CLNK: variants seen among roughly 807,000 people sequenced by gnomAD.
The protein encoded by CLNK is cytokine-dependent hematopoietic cell linker.
CLNK carries 74 observed loss-of-function variants against 68.6 expected under a neutral mutation model. The ratio of observed to expected loss-of-function variants is 1.08; its 90% confidence interval spans 0.89 to 1.31. The LOEUF is 1.31. Among genes scored for constraint, CLNK ranks in the 50% most tolerant of loss-of-function variants. CLNK has a pLI of 0.00. For missense variants in CLNK, 553 were observed against 515.3 expected (o/e 1.07, Z -0.71); for synonymous variants, 198 against 172.2 (o/e 1.15, Z -1.17).
chr4:10,613,065 C>G (rs1246385381), intron 2 of CLNK, among the ~76,000 whole-genome samples: 1 of 152,102 alleles, frequency 6.6e-6, no homozygotes, highest in African/African-American at 2.4e-5. Context: ...CAAGATATAT[C>G]AGTGAACAAA....
chr4:10,676,704 TTCTC>T (rs1046868869), intron 1 of CLNK, among the ~76,000 whole-genome samples: 5 of 152,140 alleles, frequency 3.3e-5, no homozygotes, highest in African/African-American at 9.6e-5. Context: ...GTAAGATTCT[TTCTC>T]TCTCCTCTTA....
intron 17 of CLNK, among the ~76,000 whole-genome samples, chr4:10,507,419 G>GT (rs1484984732): frequency 1.3e-5 from 2 of 149,942 alleles, no homozygotes; most frequent in Admixed American, 6.7e-5. Context: ...TCCTCTCCAT[G>GT]TTTTTTTGTT....
At chr4:10,490,910 A>G (rs761581593) in intron 18 of CLNK, among the ~76,000 whole-genome samples, 1 of 146,634 alleles carries the variant, frequency 6.8e-6, no homozygotes, top group African/African-American at 2.5e-5. Context: ...GATTACAAGC[A>G]TGCGCCACCA....
At chr4:10,533,893 T>C (rs1488990791) in intron 11 of CLNK, among the ~76,000 whole-genome samples, 1 of 152,226 alleles carries the variant, frequency 6.6e-6, no homozygotes, top group African/African-American at 2.4e-5. Context: ...ACATTTACTT[T>C]CTTGGATTTA....
chr4:10,668,722 GTC>G (rs1224410439), intron 1 of CLNK, among the ~76,000 whole-genome samples: 1 of 152,190 alleles, frequency 6.6e-6, no homozygotes, highest in African/African-American at 2.4e-5. Context: ...ACAGAGACAG[GTC>G]TCTCTTTCTG....
At chr4:10,731,567 G>A in the CLNK span, among the ~76,000 whole-genome samples, 6 of 152,268 alleles carry the variant, frequency 3.9e-5, no homozygotes, top group Middle Eastern at 3.4e-3. Flanking sequence ...AAGATATTTT[G>A]TTATTCTCTC....
intron 3 of CLNK, 104 bp downstream of exon 3, chr4:10,597,874 G>A (rs1378747375): frequency 3.8e-6 from 3 of 785,548 alleles, no homozygotes; most frequent in African/African-American, 3.4e-5. Context: ...GTCACTACAG[G>A]TCATTCCATC....
At chr4:10,667,366 C>A (rs908997537) in intron 2 of CLNK, among the ~76,000 whole-genome samples, 2 of 121,170 alleles carry the variant, frequency 1.7e-5, no homozygotes, top group African/African-American at 6.0e-5. Context: ...ACTTTTGAGT[C>A]CTGCTAATTT....
At chr4:10,641,326 G>T (rs1007411582) in intron 2 of CLNK, among the ~76,000 whole-genome samples, 43 of 152,170 alleles carry the variant, frequency 2.8e-4, no homozygotes, top group Admixed American at 2.7e-3. Context: ...AGTGGAGGTA[G>T]AGAGACAGCA....
intron 8 of CLNK, among the ~76,000 whole-genome samples, chr4:10,552,448 A>T (rs1390608198): frequency 6.6e-6 from 1 of 152,200 alleles, no homozygotes; most frequent in East Asian, 1.9e-4. Flanking sequence ...TGCAGATAAC[A>T]CCACTATTGT....
At chr4:10,704,891 G>T in the CLNK span, among the ~76,000 whole-genome samples, 392 of 152,346 alleles carry the variant, frequency 2.6e-3, no homozygotes, top group Non-Finnish European at 4.8e-3. Flanking sequence ...CTTGGTTCCT[G>T]TTGGCTTGAC....
At chr4:10,725,590 T>C in the CLNK span, among the ~76,000 whole-genome samples, 2 of 152,054 alleles carry the variant, frequency 1.3e-5, no homozygotes, top group African/African-American at 4.8e-5. Context: ...GTAGGACATT[T>C]AGAAATAAAA....
intron 2 of CLNK, among the ~76,000 whole-genome samples, chr4:10,667,567 G>T (rs750952812): frequency 5.3e-5 from 8 of 152,016 alleles, no homozygotes; most frequent in Non-Finnish European, 1.0e-4. Flanking sequence ...ACACCCATGG[G>T]TGGAAACTGT....
At chr4:10,554,012 A>C (rs1670029322) in intron 8 of CLNK, among the ~76,000 whole-genome samples, 6 of 152,194 alleles carry the variant, frequency 3.9e-5, no homozygotes, top group Admixed American at 3.9e-4. Context: ...CCTTAGTTAC[A>C]AGGAGGGGCT....
chr4:10,726,481 G>A, the CLNK span, among the ~76,000 whole-genome samples: 1 of 152,054 alleles, frequency 6.6e-6, no homozygotes, highest in Non-Finnish European at 1.5e-5. Context: ...AGTGGATTAG[G>A]GGCCCAACCC....
intron 2 of CLNK, among the ~76,000 whole-genome samples, chr4:10,622,493 A>G (rs934571754): frequency 7.2e-5 from 11 of 152,232 alleles, no homozygotes; most frequent in African/African-American, 2.7e-4. Flanking sequence ...GAAAGCCCTG[A>G]CCAAGGAAAG....
intron 4 of CLNK, among the ~76,000 whole-genome samples, chr4:10,584,340 T>A (rs1720895381): frequency 6.6e-6 from 1 of 152,220 alleles, no homozygotes; most frequent in African/African-American, 2.4e-5. Flanking sequence ...TTTTTCTGCC[T>A]CATTCCAGTC....
intron 7 of CLNK, 100 bp from the exon 8 acceptor site, chr4:10,558,552 G>C (rs901313712): frequency 2.7e-6 from 3 of 1,101,868 alleles, no homozygotes; most frequent in African/African-American, 1.5e-5. Flanking sequence ...GGATAAAGCC[G>C]TAAGTCCCTG....
chr4:10,493,654 T>C (rs535743608), intron 18 of CLNK, among the ~76,000 whole-genome samples: 2 of 152,254 alleles, frequency 1.3e-5, no homozygotes, highest in East Asian at 1.9e-4. Context: ...CCACCACCCA[T>C]ATTACGTATA....
Sources: allele counts gnomAD v4.1 joint callset (sites outside exome capture counted in the v4.1 genomes callset), GRCh38; gene constraint gnomAD v4.1.1; transcripts MANE v1.5; gene names NCBI Gene and HGNC (gene_info 2026-07-23, HGNC 2026-07-21).